The following PIK3C2G variants were observed in gnomAD, a reference collection of about 807,000 sequenced individuals.
PIK3C2G encodes phosphatidylinositol 3-kinase C2 domain-containing subunit gamma.
Under a neutral mutation model 181.1 loss-of-function variants are expected in PIK3C2G, and 168 were observed. The ratio of observed to expected loss-of-function variants is 0.93; its 90% CI spans 0.82 to 1.05. PIK3C2G has a LOEUF of 1.05. PIK3C2G is among the 50% of genes least tolerant of loss of function. The pLI is 0.00. For missense variants in PIK3C2G, 1,869 were observed against 1,732.8 expected (o/e 1.08, Z -1.40); for synonymous variants, 573 against 592.2 (o/e 0.97, Z 0.47).
chr12:18,558,376 C>A (rs1945124662), intron 26 of PIK3C2G, among the ~76,000 whole-genome samples: 1 of 152,122 alleles, frequency 6.6e-6, no homozygotes, highest in Non-Finnish European at 1.5e-5. Context: ...TTCAGTCATT[C>A]AACAAATATT....
chr12:18,472,776 C>T (rs533249478), intron 18 of PIK3C2G, among the ~76,000 whole-genome samples: 1 of 151,936 alleles, frequency 6.6e-6, no homozygotes, highest in Admixed American at 6.6e-5. Flanking sequence ...CTTGGCTCAC[C>T]GCAACTTCCA....
intron 30 of PIK3C2G, among the ~76,000 whole-genome samples, chr12:18,607,641 G>A (rs1455666031): frequency 1.3e-4 from 20 of 152,122 alleles, no homozygotes; most frequent in Middle Eastern, 6.8e-3. Flanking sequence ...AGGCATGGGC[G>A]AGGACTTCAT....
the PIK3C2G span, among the ~76,000 whole-genome samples, chr12:18,722,157 G>A: frequency 4.6e-4 from 70 of 151,880 alleles, no homozygotes; most frequent in South Asian, 1.5e-3. Flanking sequence ...CTCTCAGAGA[G>A]GGTTCTTCTG....
chr12:18,647,934 G>A lies in PIK3C2G; in HGVS notation c.4367G>A (p.Ser1456Asn), dbSNP rs1321855597. 10 of 1,599,252 alleles carry A rather than the reference G, an allele frequency of 6.3e-6. No individual in the cohort carries two copies. In the African/African-American group the frequency reaches 9.4e-5, roughly 15 times the overall value. ...QGHVLMLIVK[S>N]KTVFVGAINI... The stretch of plus-strand genomic sequence containing the variant: ...CATGTCTTAATGCTTATTGTGAAGA[G>A]TAAAACTGTATTTGTGGGAGCAATT... The change falls in exon 33 of 33, where the codon AGT (serine) becomes AAT (asparagine). Residue 1456 changes from serine (S) to asparagine (N), a missense_variant. Coordinates refer to ENST00000538779, the MANE Select transcript of PIK3C2G (RefSeq NM_001288772.2).
intron 11 of PIK3C2G, among the ~76,000 whole-genome samples, chr12:18,353,151 T>C (rs565217337): frequency 6.6e-6 from 1 of 152,286 alleles, no homozygotes; most frequent in Non-Finnish European, 1.5e-5. Flanking sequence ...ATATGGAAGA[T>C]GACCAATCTT....
chr12:18,356,290 C>A (rs1007466890), intron 11 of PIK3C2G, among the ~76,000 whole-genome samples: 22 of 152,138 alleles, frequency 1.4e-4, no homozygotes, highest in Non-Finnish European at 3.1e-4. Context: ...TCCCTTGACC[C>A]CTTCACAGGA....
chr12:18,531,733 TA>T (rs1943565623), intron 24 of PIK3C2G, among the ~76,000 whole-genome samples: 1 of 152,240 alleles, frequency 6.6e-6, no homozygotes, highest in Non-Finnish European at 1.5e-5. Flanking sequence ...TATTGACAAA[TA>T]ACATTTCTTA....
chr12:18,426,219 C>G (rs932735620), intron 18 of PIK3C2G, among the ~76,000 whole-genome samples: 1 of 152,056 alleles, frequency 6.6e-6, no homozygotes, highest in Non-Finnish European at 1.5e-5. Context: ...TTTAAAATTA[C>G]TATTTCTGTT....
At chr12:18,602,811 A>T (rs1947807395) in intron 30 of PIK3C2G, among the ~76,000 whole-genome samples, 1 of 152,178 alleles carries the variant, frequency 6.6e-6, no homozygotes, top group South Asian at 2.1e-4. Context: ...AGCCACATCC[A>T]CAGTAAAAGG....
intron 18 of PIK3C2G, among the ~76,000 whole-genome samples, chr12:18,473,503 G>A (rs1347500785): frequency 2.0e-5 from 3 of 152,020 alleles, no homozygotes; most frequent in African/African-American, 7.2e-5. Context: ...CTACTTCTTT[G>A]CCTGCTTGCT....
At chr12:18,373,152 C>T (rs1177574838) in intron 13 of PIK3C2G, among the ~76,000 whole-genome samples, 1 of 152,206 alleles carries the variant, frequency 6.6e-6, no homozygotes, top group African/African-American at 2.4e-5. Flanking sequence ...AAAGACTCCA[C>T]TTTGTTCGTT....
At chr12:18,568,691 C>G (rs1945770013) in intron 29 of PIK3C2G, among the ~76,000 whole-genome samples, 2 of 152,098 alleles carry the variant, frequency 1.3e-5, no homozygotes, top group African/African-American at 2.4e-5. Flanking sequence ...TCCAAAAAAA[C>G]ACTTTCACAG....
chr12:18,405,397 G>GTGGTGGTGT (rs113689341), intron 16 of PIK3C2G, among the ~76,000 whole-genome samples: 13,154 of 139,826 alleles, frequency 0.094, 625 homozygotes, highest in Non-Finnish European at 0.11. Flanking sequence ...AGCAACATTT[G>GTGGTGGTGT]TGTTGTTGTT....
At chr12:18,298,450 A>C (rs1950038374) in intron 5 of PIK3C2G, among the ~76,000 whole-genome samples, 1 of 147,448 alleles carries the variant, frequency 6.8e-6, no homozygotes, top group Admixed American at 6.8e-5. Context: ...TATTCTGCAT[A>C]ATAGTCCTTG....
chr12:18,626,435 T>C (rs1445965935), intron 31 of PIK3C2G, among the ~76,000 whole-genome samples: 1 of 152,000 alleles, frequency 6.6e-6, no homozygotes, highest in Non-Finnish European at 1.5e-5. Flanking sequence ...TGGGATAATA[T>C]TACTTTACAC....
intron 18 of PIK3C2G, among the ~76,000 whole-genome samples, chr12:18,469,746 T>C (rs1938268497): frequency 6.7e-6 from 1 of 149,982 alleles, no homozygotes; most frequent in African/African-American, 2.5e-5. Context: ...AAAAGATGAA[T>C]GTATGCTTAA....
intron 29 of PIK3C2G, among the ~76,000 whole-genome samples, chr12:18,571,267 A>AT (rs1362494557): frequency 6.6e-6 from 1 of 150,576 alleles, no homozygotes; most frequent in African/African-American, 2.5e-5. Context: ...TATAGTTTCA[A>AT]TTTTTTCTAA....
At chr12:18,596,794 C>G (rs921612538) in intron 30 of PIK3C2G, among the ~76,000 whole-genome samples, 2 of 152,098 alleles carry the variant, frequency 1.3e-5, no homozygotes, top group African/African-American at 4.8e-5. Context: ...AATGGTCTAG[C>G]TACTCGCTCT....
Position 18,490,169 on chromosome 12 carries a change from C to A in PIK3C2G, c.2686-1282C>A, listed in dbSNP as rs1356905979. ...GAGCAGAGATTCCTCTCCATGATAT[C>A]TGCCAGGCAAATCCAAGTATAGATG... On this transcript the variant is annotated intron_variant, in intron 19 of 32. Transcript: ENST00000538779. Among the ~76,000 whole-genome samples, 3 of 152,246 alleles carry A rather than the reference C, an allele frequency of 2.0e-5. No homozygotes were observed. In the East Asian group the frequency reaches 5.8e-4, roughly 30 times the overall value.
Sources: allele counts gnomAD v4.1 joint callset (sites outside exome capture counted in the v4.1 genomes callset), GRCh38; gene constraint gnomAD v4.1.1; transcripts MANE v1.5; gene names NCBI Gene and HGNC (gene_info 2026-07-23, HGNC 2026-07-21).